Variants in MARCHF11 observed in about 807,000 individuals in gnomAD.
MARCHF11 encodes the protein membrane associated ring-CH-type finger 11.
In MARCHF11, 29 loss-of-function variants were observed where a neutral mutation model predicts 37.3. The observed-to-expected ratio is 0.78, with a 90% CI of 0.58 to 1.06. MARCHF11 has a LOEUF of 1.06. MARCHF11 is among the 50% of genes least tolerant of loss of function. MARCHF11 has a pLI of 0.00. For missense variants in MARCHF11, 482 were observed against 533.4 expected (o/e 0.90, Z 0.95); for synonymous variants, 233 against 228.0 (o/e 1.02, Z -0.20).
chr5:16,118,765 CT>C (rs1482217603), intron 2 of MARCHF11, among the ~76,000 whole-genome samples: 1 of 152,138 alleles, frequency 6.6e-6, no homozygotes, highest in African/African-American at 2.4e-5. Flanking sequence ...GTCTTAGGAT[CT>C]CTCTCCCAGG....
intron 2 of MARCHF11, among the ~76,000 whole-genome samples, chr5:16,164,484 T>C (rs147699686): frequency 7.8e-4 from 119 of 152,158 alleles, no homozygotes; most frequent in African/African-American, 2.6e-3. Flanking sequence ...CAAAGTCTCT[T>C]ACCCAAAACA....
chr5:16,172,156 T>C (rs150083292), intron 2 of MARCHF11, among the ~76,000 whole-genome samples: 141 of 152,298 alleles, frequency 9.3e-4, no homozygotes, highest in African/African-American at 2.9e-3. Context: ...ACTGTACATG[T>C]AGTCTGTACA....
In MARCHF11 at chr5:16,177,820, A is replaced by G; in HGVS notation, c.599T>C (p.Leu200Pro). 1 of 1,613,686 alleles carries G rather than the reference A, an allele frequency of 6.2e-7. No homozygotes were observed. The change falls in exon 2 of 4, where the codon CTG (leucine) becomes CCG (proline). Residue 200 changes from leucine (L) to proline (P), a missense_variant. By Grantham distance (98) the Leu-to-Pro change is moderately conservative (BLOSUM62 -3). Transcript: ENST00000332432. ...GSVRYTHQLC[L>P]LKWISERGSW... ...ACCTCTCTCACTGATCCATTTTAGC[A>G]GGCACAGCTGATGTGTATACCGAAC... is the stretch of plus-strand genomic sequence containing the variant.
chr5:16,128,874 T>C (rs1383415511), intron 2 of MARCHF11, among the ~76,000 whole-genome samples: 1 of 152,242 alleles, frequency 6.6e-6, no homozygotes, highest in Non-Finnish European at 1.5e-5. Flanking sequence ...GGCCATCTGT[T>C]CATGCCAGTA....
chr5:16,093,594 G>A (rs548334693), intron 2 of MARCHF11, among the ~76,000 whole-genome samples: 1 of 152,160 alleles, frequency 6.6e-6, no homozygotes, highest in Non-Finnish European at 1.5e-5. Context: ...CACATGAGGT[G>A]TGGCTGCTTC....
intron 2 of MARCHF11, among the ~76,000 whole-genome samples, chr5:16,175,879 T>A (rs184009535): frequency 2.2e-4 from 34 of 152,344 alleles, no homozygotes; most frequent in African/African-American, 7.9e-4. Context: ...AGGTTACAGA[T>A]AATAGTAGTA....
intron 2 of MARCHF11, among the ~76,000 whole-genome samples, chr5:16,156,186 G>GC (rs1737975477): frequency 6.6e-6 from 1 of 151,860 alleles, no homozygotes; most frequent in African/African-American, 2.4e-5. Context: ...TTTAATCTCT[G>GC]CGAGATCACT....
intron 2 of MARCHF11, among the ~76,000 whole-genome samples, chr5:16,128,428 G>A (rs112368045): frequency 1.3e-5 from 2 of 152,234 alleles, no homozygotes; most frequent in African/African-American, 2.4e-5. Flanking sequence ...GCACAGCTTT[G>A]CAAGTTGCTG....
intron 2 of MARCHF11, among the ~76,000 whole-genome samples, chr5:16,142,264 C>A (rs1449860579): frequency 6.6e-6 from 1 of 152,180 alleles, no homozygotes; most frequent in African/African-American, 2.4e-5. Context: ...GAGGCACAAG[C>A]AACCAAGAAC....
chr5:16,086,301 C>A (rs773062672), intron 3 of MARCHF11, among the ~76,000 whole-genome samples: 1 of 152,064 alleles, frequency 6.6e-6, no homozygotes, highest in Non-Finnish European at 1.5e-5. Context: ...CATCAAAATG[C>A]AGAAAGGGGA....
chr5:16,108,875 A>G (rs534559468), intron 2 of MARCHF11, among the ~76,000 whole-genome samples: 7 of 152,236 alleles, frequency 4.6e-5, no homozygotes, highest in African/African-American at 1.7e-4. Flanking sequence ...CAACATTTGT[A>G]AAGTGCATGC....
At chr5:16,136,477 A>G (rs377693978) in intron 2 of MARCHF11, among the ~76,000 whole-genome samples, 31 of 152,342 alleles carry the variant, frequency 2.0e-4, no homozygotes, top group African/African-American at 6.5e-4. Flanking sequence ...ACAGGCAAAG[A>G]AAGTCAGGAG....
At chr5:16,119,951 G>A (rs2126576325) in intron 2 of MARCHF11, among the ~76,000 whole-genome samples, 1 of 152,326 alleles carries the variant, frequency 6.6e-6, no homozygotes, top group East Asian at 1.9e-4. Context: ...CTTTATGTCT[G>A]TACATATGCC....
chr5:16,136,002 C>T (rs1737607995), intron 2 of MARCHF11, among the ~76,000 whole-genome samples: 1 of 151,768 alleles, frequency 6.6e-6, no homozygotes, highest in Non-Finnish European at 1.5e-5. Context: ...GGAATAAAGG[C>T]ATTCTGAAAA....
At chr5:16,141,619 C>A (rs1737709517) in intron 2 of MARCHF11, 1 of 152,180 alleles carries the variant, frequency 6.6e-6, no homozygotes, top group Non-Finnish European at 1.5e-5. Context: ...AGAAACACAG[C>A]CATTAGAAGC....
intron 3 of MARCHF11, 81 bp downstream of exon 3, chr5:16,090,808 T>G: frequency 9.0e-7 from 1 of 1,116,292 alleles, no homozygotes. Context: ...ACATTCTCTA[T>G]TAGATCCGAA....
intron 2 of MARCHF11, among the ~76,000 whole-genome samples, chr5:16,165,876 G>C (rs961909837): frequency 1.3e-5 from 2 of 152,160 alleles, no homozygotes; most frequent in African/African-American, 4.8e-5. Context: ...TAACTACAAA[G>C]ATGGGGGAAT....
At position 16,179,732 on chromosome 5, in the gene MARCHF11, G is replaced by T. The variant is rs1204882937; in HGVS notation, c.-157C>A. 5.4e-5 allele frequency: 21 copies of T among 386,936 alleles called. No homozygotes were observed. In the Admixed American group the frequency reaches 9.2e-4, roughly 17 times the overall value. 24.0% of individuals were successfully genotyped at this position (386,936 alleles called of 1,614,324 possible). On this transcript the variant is annotated 5_prime_UTR_variant, in exon 1 of 4. Coordinates refer to ENST00000332432, the MANE Select transcript of MARCHF11 (RefSeq NM_001102562.3). ...GGCGGGACGGGGAGGGGATGCGGAA[G>T]GTTCTGCAGCTGCGGCGGCGGCAGG...
intron 2 of MARCHF11, among the ~76,000 whole-genome samples, chr5:16,114,122 T>C (rs1019392812): frequency 1.3e-5 from 2 of 152,120 alleles, no homozygotes; most frequent in African/African-American, 2.4e-5. Context: ...AATGACAAGA[T>C]TTCATTTTTT....
Sources: allele counts gnomAD v4.1 joint callset (sites outside exome capture counted in the v4.1 genomes callset), GRCh38; gene constraint gnomAD v4.1.1; transcripts MANE v1.5; gene names NCBI Gene and HGNC (gene_info 2026-07-23, HGNC 2026-07-21).